SSBP4: variants seen among roughly 807,000 people sequenced by gnomAD.
The protein encoded by SSBP4 is single-stranded DNA-binding protein 4.
A neutral mutation model predicts 64.6 loss-of-function variants in SSBP4; 33 were observed. That is an observed-to-expected ratio of 0.51 (90% confidence interval 0.39 to 0.68). SSBP4 has a LOEUF of 0.68. Among genes scored for constraint, SSBP4 ranks in the 30% least tolerant of loss-of-function variants. The pLI, the probability that SSBP4 is intolerant of heterozygous loss-of-function variation, is 0.00. For missense variants in SSBP4, 583 were observed against 566.8 expected (o/e 1.03, Z -0.29); for synonymous variants, 243 against 224.0 (o/e 1.08, Z -0.76).
the SSBP4 span, among the ~76,000 whole-genome samples, chr19:18,411,153 C>G: frequency 1.3e-5 from 2 of 152,030 alleles, no homozygotes; most frequent in African/African-American, 4.8e-5. Context: ...CCGCATGGAG[C>G]TCAAGGGTTC....
chr19:18,429,037 G>C (rs547932177), intron 4 of SSBP4, among the ~76,000 whole-genome samples: 1 of 152,324 alleles, frequency 6.6e-6, no homozygotes, highest in South Asian at 2.1e-4. Context: ...CAGGCGCGCA[G>C]CGGTTACCAT....
intron 17 of SSBP4, 54 bp from the exon 18 acceptor site, chr19:18,434,163 C>T: frequency 6.2e-7 from 1 of 1,607,328 alleles, no homozygotes; most frequent in South Asian, 1.1e-5. Context: ...CGGGTCCCAG[C>T]CTCTTCCGGA....
At position 18,427,656 on chromosome 19, in the gene SSBP4, C is replaced by G; in HGVS notation, c.133-96C>G. 1 of 1,424,010 alleles carries G rather than the reference C, an allele frequency of 7.0e-7. No homozygotes were observed. The highest frequency in any genetic ancestry group is 9.5e-7 in the Non-Finnish European group (1 of 1,056,686). The allele number at this position is 1,424,010 out of a possible 1,614,324, so 88.2% of individuals were successfully genotyped here. A position where few individuals can be genotyped will look rare whatever the true frequency, so the allele number is the denominator to read the frequency against. Reference sequence around the variant, plus strand: ...GCCCACCCTGTTACCCTTCCCTCCCCACTCCCTCCCTGCCCAGATGTTCTC... The same window carrying G: ...GCCCACCCTGTTACCCTTCCCTCCCGACTCCCTCCCTGCCCAGATGTTCTC... On this transcript the variant is annotated intron_variant, in intron 2 of 17. Transcript: ENST00000270061. This position sits in a 1 kb window ranked among gnomAD's most constrained non-coding sequence, Gnocchi z 4.4.
upstream of SSBP4, chr19:18,418,853 G>A (rs980701222): frequency 2.6e-5 from 15 of 568,514 alleles, no homozygotes; most frequent in Admixed American, 4.4e-4. This position sits in a 1 kb window ranked among gnomAD's most constrained non-coding sequence, Gnocchi z 6.7. Context: ...CGTGAGGCTG[G>A]GTGCCTGTGT....
intron 4 of SSBP4, among the ~76,000 whole-genome samples, chr19:18,429,644 C>A (rs565304878): frequency 2.9e-4 from 43 of 150,250 alleles, no homozygotes; most frequent in Admixed American, 6.6e-4. Context: ...TGCTCCAGGC[C>A]ATTGTGTTTG....
chr19:18,432,007 G>C lies in SSBP4; in HGVS notation c.573G>C (p.Pro191=). The part of the protein sequence containing the change: ...MEPSPRAQGH[P]SMGGPMQRVT... ...CCTTCTGCCCCACCCCAGGGCATCC[G>C]AGCATGGGCGGCCCAATGCAGAGGG... is the stretch of plus-strand genomic sequence containing the variant. Residue 191 remains proline, a synonymous_variant, in exon 9 of 18, where the codon CCG becomes CCC. Coordinates refer to ENST00000270061, the MANE Select transcript of SSBP4 (RefSeq NM_032627.5). The C allele has an allele frequency of 1.3e-6, 2 of 1,563,630 alleles. No individual in the cohort carries two copies. Among genetic ancestry groups the C allele is most frequent in the Non-Finnish European group, 8.7e-7 (1 of 1,149,900 alleles).
chr19:18,434,386 AAG>A lies in SSBP4; in HGVS notation c.*142_*143del. ...TGCCCAGCTGGGAGGCCCCACACGA[AAG>A]ACTCTTACCATTTTATTAAAAACGC... On this transcript the variant is annotated 3_prime_UTR_variant, in exon 18 of 18. Coordinates refer to ENST00000270061, the MANE Select transcript of SSBP4 (RefSeq NM_032627.5). The A allele has an allele frequency of 7.1e-7, 1 of 1,410,704 alleles. No individual in the cohort carries two copies. Among genetic ancestry groups the A allele is most frequent in the Non-Finnish European group, 9.3e-7 (1 of 1,072,982 alleles). 87.4% of individuals were successfully genotyped at this position (1,410,704 alleles called of 1,614,324 possible). A position where few individuals can be genotyped will look rare whatever the true frequency, so the allele number is the denominator to read the frequency against.
At position 18,423,476 on chromosome 19, in the gene SSBP4, A is replaced by T. The variant is rs1972600129; in HGVS notation, c.59+3769A>T. On this transcript the variant is annotated intron_variant, in intron 1 of 17. Transcript: ENST00000270061. The surrounding 1 kb of genome is among the most constrained non-coding windows in gnomAD (Gnocchi z 4.0). ...GGACGGCGAGGGTTGGAGGGTCAGG[A>T]GTGAGACCTGGTGACGGATGGCAAG... Among the ~76,000 whole-genome samples, 1 of 152,072 alleles carries T rather than the reference A, an allele frequency of 6.6e-6. No homozygotes were observed. Among genetic ancestry groups the T allele is most frequent in the Non-Finnish European group, 1.5e-5 (1 of 68,008 alleles).
At position 18,434,391 on chromosome 19, in the gene SSBP4, T is replaced by A. The variant is rs1464802526; in HGVS notation, c.*145T>A. The A allele has an allele frequency of 5.1e-6, 7 of 1,383,200 alleles. No homozygotes were observed. The highest frequency in any genetic ancestry group is 2.9e-5 in the Admixed American group (1 of 34,026). 85.7% of individuals were successfully genotyped at this position (1,383,200 alleles called of 1,614,324 possible). On this transcript the variant is annotated 3_prime_UTR_variant, in exon 18 of 18. Coordinates refer to ENST00000270061, the MANE Select transcript of SSBP4 (RefSeq NM_032627.5). Reference sequence around the variant, plus strand: ...AGCTGGGAGGCCCCACACGAAAGACTCTTACCATTTTATTAAAAACGCAAG... The same window carrying A: ...AGCTGGGAGGCCCCACACGAAAGACACTTACCATTTTATTAAAAACGCAAG...
intron 1 of SSBP4, among the ~76,000 whole-genome samples, chr19:18,420,914 T>TG (rs1032488974): frequency 5.3e-5 from 8 of 150,878 alleles, no homozygotes; most frequent in Admixed American, 6.6e-5. Flanking sequence ...TCATAGCTGA[T>TG]GGGGGACTTC....
In SSBP4 at chr19:18,419,701, G is replaced by T; in HGVS notation, c.53G>T (p.Arg18Leu). 8.5e-7 allele frequency: 1 copy of T among 1,176,932 alleles called. No homozygotes were observed. Among genetic ancestry groups the T allele is most frequent in the Non-Finnish European group, 1.1e-6 (1 of 950,960 alleles). The allele number at this position is 1,176,932 out of a possible 1,614,324, so 72.9% of individuals were successfully genotyped here. ...GCCGTGCCCTCCGACAGCCAGGCCCGCGAGAAGTGAGTGCGGGGCCGGGGG... is the reference window on the plus strand; with the variant it reads ...GCCGTGCCCTCCGACAGCCAGGCCCTCGAGAAGTGAGTGCGGGGCCGGGGG... The part of the protein sequence containing the change: ...GSAVPSDSQA[R>L]EKLALYVYEY... Residue 18 changes from arginine to leucine, a missense_variant, in exon 1 of 18, where the codon CGC (arginine) becomes CTC (leucine). Physicochemically the swap from Arg to Leu is moderately radical, Grantham distance 102. Transcript: ENST00000270061.
At position 18,426,369 on chromosome 19, in the gene SSBP4, G is replaced by C. The variant is rs564637511; in HGVS notation, c.60-982G>C. 5.0e-4 allele frequency among the ~76,000 whole-genome samples: 76 copies of C among 152,300 alleles called. No homozygotes were observed. Among genetic ancestry groups the C allele is most frequent in the African/African-American group, 1.6e-3 (68 of 41,566 alleles). On this transcript the variant is annotated intron_variant, in intron 1 of 17. Transcript: ENST00000270061. The surrounding 1 kb of genome is among the most constrained non-coding windows in gnomAD (Gnocchi z 4.5). ...GGCTGGCCCTCTGGTACCCTGTCTT[G>C]AATCTAAGAGTCCCCCAACCCCCAG... is the stretch of plus-strand genomic sequence containing the variant.
upstream of SSBP4, chr19:18,419,138 G>A (rs1972244795): frequency 3.0e-6 from 3 of 985,364 alleles, no homozygotes; most frequent in Admixed American, 6.2e-5. Context: ...TGGGTGGCCG[G>A]CTCCATTTGA....
chr19:18,417,667 G>A (rs1160035940), upstream of SSBP4, among the ~76,000 whole-genome samples: 1 of 152,192 alleles, frequency 6.6e-6, no homozygotes, highest in East Asian at 1.9e-4. The surrounding 1 kb of genome is among the most constrained non-coding windows in gnomAD (Gnocchi z 5.4). Context: ...CTCCTACCCC[G>A]CCGAGCCGGG....
intron 16 of SSBP4, 38 bp downstream of exon 16, chr19:18,433,651 G>A (rs939978373): frequency 9.1e-6 from 13 of 1,427,888 alleles, no homozygotes; most frequent in South Asian, 8.6e-5. Context: ...TGGGATCCGG[G>A]GGGGGTGGCG....
Position 18,432,968 on chromosome 19 carries a change from C to T in SSBP4, c.842-5C>T. ...CACACCTGGCACCCTTCTGGTCTCC[C>T]CCAGATTCCACCAACTCCAGCGAAA... On this transcript the variant is annotated splice_polypyrimidine_tract_variant and splice_region_variant and intron_variant, in intron 13 of 17. Transcript: ENST00000270061. 6.2e-7 allele frequency: 1 copy of T among 1,614,132 alleles called. No individual in the cohort carries two copies. Among genetic ancestry groups the T allele is most frequent in the South Asian group, 1.1e-5 (1 of 91,090 alleles).
intron 1 of SSBP4, among the ~76,000 whole-genome samples, chr19:18,420,850 CAA>C (rs34523547): frequency 1.5e-5 from 2 of 137,140 alleles, no homozygotes; most frequent in African/African-American, 5.3e-5. Flanking sequence ...GATTCCATCT[CAA>C]AAAAAAAAAA....
Position 18,432,337 on chromosome 19 carries a change from A to C in SSBP4, c.704+123A>C. 3 of 1,367,856 alleles carry C rather than the reference A, an allele frequency of 2.2e-6. No homozygotes were observed. The East Asian group carries it at 7.4e-5, about 34-fold the overall frequency. The allele number at this position is 1,367,856 out of a possible 1,614,324, so 84.7% of individuals were successfully genotyped here. On this transcript the variant is annotated intron_variant, in intron 10 of 17. Transcript: ENST00000270061. ...CTTGGATATTGTTTATTTCATGGCC[A>C]CCGTTGAGGGGAAACTGAGACTTGA...
upstream of SSBP4, chr19:18,419,246 C>G (rs1328049831): frequency 2.0e-6 from 2 of 990,112 alleles, no homozygotes; most frequent in East Asian, 2.2e-4. Flanking sequence ...AGTGTGTAGC[C>G]GCGCCCCCAC....
Sources: allele counts gnomAD v4.1 joint callset (sites outside exome capture counted in the v4.1 genomes callset), GRCh38; gene constraint gnomAD v4.1.1; non-coding constraint Gnocchi (gnomAD v3.1); transcripts MANE v1.5; gene names NCBI Gene and HGNC (gene_info 2026-07-23, HGNC 2026-07-21).